SDK1: variants seen among roughly 807,000 people sequenced by gnomAD.
SDK1 encodes the protein protein sidekick-1.
Under a neutral mutation model 245.5 loss-of-function variants are expected in SDK1, and 157 were observed. That is an observed-to-expected ratio of 0.64 (90% confidence interval 0.56 to 0.73). SDK1 has a LOEUF of 0.73. Ranked by LOEUF, SDK1 falls within the 30% of genes least tolerant of loss-of-function variation. The pLI is 0.00. For synonymous variants in SDK1, 1,647 were observed against 1,278.5 expected (o/e 1.29, Z -6.15); for missense variants, 3,583 against 3,002.3 (o/e 1.19, Z -4.52).
chr7:3,975,079 C>G lies in SDK1; in HGVS notation c.1994+534C>G, dbSNP rs376360674. Among the ~76,000 whole-genome samples, 19 of 152,304 alleles carry G rather than the reference C, an allele frequency of 1.2e-4. No individual in the cohort carries two copies. In the South Asian group the frequency reaches 3.5e-3, roughly 28 times the overall value. On this transcript the variant is annotated intron_variant, in intron 13 of 44. Coordinates refer to ENST00000404826, the MANE Select transcript of SDK1 (RefSeq NM_152744.4). ...ACTGCCCGTTACTTCCAATCTGGAC[C>G]TTCCTGGGGGTTCCAAAGAGCCCAG...
intron 4 of SDK1, among the ~76,000 whole-genome samples, chr7:3,650,339 G>A (rs371762568): frequency 3.9e-5 from 6 of 152,064 alleles, no homozygotes; most frequent in Non-Finnish European, 5.9e-5. Flanking sequence ...CTCTGTACCC[G>A]TTAAACATAA....
chr7:4,120,051 G>C (rs745366388), intron 25 of SDK1, among the ~76,000 whole-genome samples: 2 of 148,908 alleles, frequency 1.3e-5, no homozygotes, highest in Non-Finnish European at 3.0e-5. Context: ...CTGTCAAAAA[G>C]AGAATTACCA....
intron 1 of SDK1, among the ~76,000 whole-genome samples, chr7:3,562,458 A>C (rs771964123): frequency 7.2e-5 from 11 of 152,174 alleles, no homozygotes; most frequent in Non-Finnish European, 8.8e-5. Flanking sequence ...AAAGAATAAA[A>C]GCTAGAGGGA....
At chr7:3,453,617 G>A (rs1430018666) in intron 1 of SDK1, among the ~76,000 whole-genome samples, 8 of 152,164 alleles carry the variant, frequency 5.3e-5, no homozygotes, top group Admixed American at 5.2e-4. Context: ...TACTGTAAGA[G>A]GCAAGGAGCA....
At chr7:4,033,443 A>G (rs1287391207) in intron 17 of SDK1, among the ~76,000 whole-genome samples, 1 of 152,210 alleles carries the variant, frequency 6.6e-6, no homozygotes, top group Non-Finnish European at 1.5e-5. Flanking sequence ...CGAAGCAATA[A>G]TGAAAAGATT....
chr7:3,991,049 G>A (rs1335309462), intron 14 of SDK1, among the ~76,000 whole-genome samples: 1 of 152,254 alleles, frequency 6.6e-6, no homozygotes. Flanking sequence ...CGAACAGCAA[G>A]GAGACAGTCA....
chr7:3,581,005 A>AAAC lies in SDK1; in HGVS notation c.299-38075_299-38074insAAC, dbSNP rs1780470189. Among the ~76,000 whole-genome samples, 2 of 147,806 alleles carry AAAC rather than the reference A, an allele frequency of 1.4e-5. 1 individual carries two copies. Among genetic ancestry groups the AAAC allele is most frequent in the Non-Finnish European group, 3.0e-5 (2 of 67,084 alleles). On this transcript the variant is annotated intron_variant, in intron 1 of 44. Coordinates refer to ENST00000404826, the MANE Select transcript of SDK1 (RefSeq NM_152744.4). ...AAAAAAAAAAAAAAACCAAAACAAA[A>AAAC]CCCTGGAAGACAATCTATGCATTAC...
chr7:3,569,372 T>C (rs1422169002), intron 1 of SDK1, among the ~76,000 whole-genome samples: 1 of 152,220 alleles, frequency 6.6e-6, no homozygotes, highest in Non-Finnish European at 1.5e-5. Context: ...TCCCAGTCAG[T>C]CACCTGGTTC....
chr7:3,718,920 C>A (rs1785281487), intron 4 of SDK1, among the ~76,000 whole-genome samples: 1 of 152,200 alleles, frequency 6.6e-6, no homozygotes, highest in East Asian at 1.9e-4. Context: ...GTGATTCCAG[C>A]AAGCTTGCAG....
At chr7:4,250,521 T>C (rs1338995637) in intron 44 of SDK1, among the ~76,000 whole-genome samples, 1 of 152,116 alleles carries the variant, frequency 6.6e-6, no homozygotes, top group African/African-American at 2.4e-5. Flanking sequence ...TTTTTGGTAT[T>C]TTTATTAGAG....
chr7:3,383,796 A>C (rs963980731), intron 1 of SDK1, among the ~76,000 whole-genome samples: 3 of 152,224 alleles, frequency 2.0e-5, no homozygotes, highest in Non-Finnish European at 1.5e-5. Context: ...CATTTGAATA[A>C]TTTAACTAGA....
At chr7:4,001,176 A>G (rs1461653339) in intron 14 of SDK1, among the ~76,000 whole-genome samples, 1 of 152,172 alleles carries the variant, frequency 6.6e-6, no homozygotes, top group Non-Finnish European at 1.5e-5. Flanking sequence ...CTTGAGCTCC[A>G]GGAGGTCAGG....
At chr7:3,551,320 T>A in intron 1 of SDK1, among the ~76,000 whole-genome samples, 1 of 152,184 alleles carries the variant, frequency 6.6e-6, no homozygotes, top group East Asian at 1.9e-4. Flanking sequence ...TTTTTTGATA[T>A]TTGAAATAAA....
chr7:4,147,091 C>T (rs2128207144), intron 29 of SDK1, among the ~76,000 whole-genome samples: 1 of 152,346 alleles, frequency 6.6e-6, no homozygotes, highest in East Asian at 1.9e-4. Flanking sequence ...CATGGCCAGA[C>T]CCAGGGACCC....
chr7:3,464,068 C>A (rs1472571935), intron 1 of SDK1, among the ~76,000 whole-genome samples: 1 of 152,172 alleles, frequency 6.6e-6, no homozygotes, highest in South Asian at 2.1e-4. Context: ...TATATTTTTA[C>A]TGTGACTTAA....
chr7:3,663,973 G>C (rs901141334), intron 4 of SDK1, among the ~76,000 whole-genome samples: 3 of 152,160 alleles, frequency 2.0e-5, no homozygotes, highest in Non-Finnish European at 2.9e-5. Context: ...ATAAATTTGA[G>C]AAAAATTAAC....
At chr7:4,067,726 T>C in intron 19 of SDK1, 112 bp from the exon 20 acceptor site, 1 of 706,968 alleles carries the variant, frequency 1.4e-6, no homozygotes, top group Non-Finnish European at 2.4e-6. Flanking sequence ...CTGCAGGGTT[T>C]TGCAGCCCCA....
chr7:3,712,204 C>T (rs1396208998), intron 4 of SDK1, among the ~76,000 whole-genome samples: 1 of 152,162 alleles, frequency 6.6e-6, no homozygotes, highest in Non-Finnish European at 1.5e-5. Flanking sequence ...CCATCACTTG[C>T]ATTCCTGCCT....
At chr7:3,508,798 G>A (rs1366077663) in intron 1 of SDK1, among the ~76,000 whole-genome samples, 1 of 152,162 alleles carries the variant, frequency 6.6e-6, no homozygotes, top group Non-Finnish European at 1.5e-5. Context: ...CCCTCACTAG[G>A]CGTGAAATTC....
Sources: allele counts gnomAD v4.1 joint callset (sites outside exome capture counted in the v4.1 genomes callset), GRCh38; gene constraint gnomAD v4.1.1; transcripts MANE v1.5; gene names NCBI Gene and HGNC (gene_info 2026-07-23, HGNC 2026-07-21).